Variants in IPCEF1 observed in about 807,000 individuals in gnomAD.
The protein encoded by IPCEF1 is interactor protein for cytohesin exchange factors 1.
Under a neutral mutation model 50.9 loss-of-function variants are expected in IPCEF1, and 31 were observed. That is an observed-to-expected ratio of 0.61 (90% CI 0.46 to 0.82). The LOEUF (loss-of-function observed/expected upper bound fraction) is 0.82, where lower values mean the gene tolerates loss of function less well. Ranked by LOEUF, IPCEF1 falls within the 40% of genes least tolerant of loss-of-function variation. The pLI is 0.00. For synonymous variants in IPCEF1, 181 were observed against 192.0 expected (o/e 0.94, Z 0.47); for missense variants, 458 against 514.0 (o/e 0.89, Z 1.05).
chr6:154,166,014 G>C (rs539048754), intron 11 of IPCEF1, among the ~76,000 whole-genome samples: 1 of 152,384 alleles, frequency 6.6e-6, no homozygotes, highest in South Asian at 2.1e-4. Context: ...ATGGAGGAAT[G>C]AATGCAGCCC....
At chr6:154,231,270 G>A (rs1046458318) in intron 5 of IPCEF1, among the ~76,000 whole-genome samples, 1 of 152,192 alleles carries the variant, frequency 6.6e-6, no homozygotes, top group Non-Finnish European at 1.5e-5. Context: ...AAAAGTTCTA[G>A]TTCTATGGAG....
At chr6:154,207,178 G>A (rs1583797953) in intron 9 of IPCEF1, among the ~76,000 whole-genome samples, 1 of 152,232 alleles carries the variant, frequency 6.6e-6, no homozygotes, top group African/African-American at 2.4e-5. Context: ...GAGAGGCTGG[G>A]GGAGAGCCAC....
chr6:154,309,839 C>CT (rs1783034467), intron 1 of IPCEF1, among the ~76,000 whole-genome samples: 1 of 151,676 alleles, frequency 6.6e-6, no homozygotes, highest in Non-Finnish European at 1.5e-5. Context: ...TCTTGGCTCA[C>CT]TGCAACCTCC....
chr6:154,317,080 G>A (rs368325441), intron 1 of IPCEF1, among the ~76,000 whole-genome samples: 1 of 151,998 alleles, frequency 6.6e-6, no homozygotes, highest in East Asian at 1.9e-4. Flanking sequence ...CTCAGGATAC[G>A]GAAAGCAATA....
intron 1 of IPCEF1, among the ~76,000 whole-genome samples, chr6:154,350,984 T>C (rs1005247122): frequency 1.3e-5 from 2 of 152,138 alleles, no homozygotes; most frequent in Non-Finnish European, 2.9e-5. Flanking sequence ...CTTCCCAAAG[T>C]GCTAGGATTA....
At chr6:154,273,197 GAC>G (rs1336432098) in intron 2 of IPCEF1, among the ~76,000 whole-genome samples, 2 of 152,038 alleles carry the variant, frequency 1.3e-5, no homozygotes, top group Non-Finnish European at 2.9e-5. Context: ...CATTCAGCAA[GAC>G]ATTATCACAG....
intron 1 of IPCEF1, among the ~76,000 whole-genome samples, chr6:154,338,218 G>C (rs1008150824): frequency 1.3e-5 from 2 of 152,162 alleles, no homozygotes; most frequent in Non-Finnish European, 2.9e-5. Context: ...CACTTGGGTG[G>C]GTTGGGAGAA....
chr6:154,237,136 T>C (rs1780197629), intron 5 of IPCEF1, among the ~76,000 whole-genome samples: 1 of 152,186 alleles, frequency 6.6e-6, no homozygotes, highest in African/African-American at 2.4e-5. Flanking sequence ...AAGAGCTTGC[T>C]CCAGACAGAT....
Position 154,291,809 on chromosome 6 carries a change from C to T in IPCEF1, c.-61-2053G>A, listed in dbSNP as rs887963916. Among the ~76,000 whole-genome samples the T allele has an allele frequency of 2.0e-5, 3 of 151,886 alleles. No individual in the cohort carries two copies. The South Asian group carries it at 6.3e-4, about 32-fold the overall frequency. On this transcript the variant is annotated intron_variant, in intron 1 of 11. Coordinates refer to ENST00000367220, the MANE Select transcript of IPCEF1 (RefSeq NM_001130700.2). ...ACGCCATTCTCCTGCCTCAGCCTCCCAAGTAGCTGGGACTACAGGTGCCCA... is the reference window on the plus strand; with the variant it reads ...ACGCCATTCTCCTGCCTCAGCCTCCTAAGTAGCTGGGACTACAGGTGCCCA...
intron 11 of IPCEF1, among the ~76,000 whole-genome samples, chr6:154,164,518 T>G (rs1026424314): frequency 2.0e-5 from 3 of 152,208 alleles, no homozygotes; most frequent in African/African-American, 7.2e-5. Flanking sequence ...GCATGAGGCT[T>G]TTGGAGGGCT....
intron 1 of IPCEF1, among the ~76,000 whole-genome samples, chr6:154,351,573 G>T (rs182768432): frequency 6.6e-6 from 1 of 152,186 alleles, no homozygotes; most frequent in Non-Finnish European, 1.5e-5. Flanking sequence ...ACTCGCCCTT[G>T]GTGTCAAATC....
In IPCEF1 at chr6:154,332,591, A is replaced by G. The variant is rs547500881; in HGVS notation, c.-62+24081T>C. Among the ~76,000 whole-genome samples the G allele has an allele frequency of 2.3e-3, 355 of 152,302 alleles. 2 individuals are homozygous for G. The highest frequency in any genetic ancestry group is 9.5e-3 in the South Asian group (46 of 4,820). On this transcript the variant is annotated intron_variant, in intron 1 of 11. Coordinates refer to ENST00000367220, the MANE Select transcript of IPCEF1 (RefSeq NM_001130700.2). ...GAGATTCTCTCCTTCATCACATAAA[A>G]CTGGGGATTCCAGCATTTTATACAG...
intron 1 of IPCEF1, among the ~76,000 whole-genome samples, chr6:154,306,228 C>A (rs1333451493): frequency 6.6e-6 from 1 of 152,198 alleles, no homozygotes; most frequent in Non-Finnish European, 1.5e-5. Context: ...TTGAGCAGAT[C>A]TATCCAGAAC....
intron 3 of IPCEF1, among the ~76,000 whole-genome samples, chr6:154,264,930 G>T (rs757929717): frequency 6.6e-6 from 1 of 152,046 alleles, no homozygotes; most frequent in Non-Finnish European, 1.5e-5. Flanking sequence ...TCTAATTTGC[G>T]TCAAGAAACC....
At chr6:154,354,635 C>A (rs985996943) in intron 1 of IPCEF1, among the ~76,000 whole-genome samples, 1 of 152,046 alleles carries the variant, frequency 6.6e-6, no homozygotes, top group Non-Finnish European at 1.5e-5. Context: ...ACTTCCAACA[C>A]CACCCCCTTT....
rs9479778 is a variant in IPCEF1 at position 154,180,999 on chromosome 6, T to C, written c.911-12886A>G. 9.4e-3 allele frequency among the ~76,000 whole-genome samples: 1,425 copies of C among 152,260 alleles called. 22 individuals carry two copies. Among genetic ancestry groups the C allele is most frequent in the African/African-American group, 0.033 (1,384 of 41,552 alleles). On this transcript the variant is annotated intron_variant, in intron 10 of 11. Transcript: ENST00000367220. The stretch of plus-strand genomic sequence containing the variant: ...GAGAAGAAAAAACTATATAGTCATT[T>C]GGGTATTTTGCATACCCTAAAGGTA...
intron 3 of IPCEF1, among the ~76,000 whole-genome samples, chr6:154,259,109 A>G (rs1781531701): frequency 6.6e-6 from 1 of 152,218 alleles, no homozygotes; most frequent in Non-Finnish European, 1.5e-5. Flanking sequence ...AAGCAACACA[A>G]AAGTTTCACC....
At chr6:154,294,345 G>C (rs1290414766) in intron 1 of IPCEF1, among the ~76,000 whole-genome samples, 1 of 152,146 alleles carries the variant, frequency 6.6e-6, no homozygotes, top group Non-Finnish European at 1.5e-5. Flanking sequence ...GTAACCACTT[G>C]AAAATAAGTA....
intron 1 of IPCEF1, among the ~76,000 whole-genome samples, chr6:154,309,873 C>T (rs1005590273): frequency 6.6e-6 from 1 of 151,860 alleles, no homozygotes; most frequent in African/African-American, 2.4e-5. Flanking sequence ...AAGCAAATCT[C>T]CTGGGTCAGC....
Sources: gnomAD v4.1 joint callset for allele counts (sites outside exome capture counted in the v4.1 genomes callset) on GRCh38, gnomAD v4.1.1 for gene constraint, MANE v1.5 for transcripts, NCBI Gene and HGNC (gene_info 2026-07-23, HGNC 2026-07-21) for gene names.